Variants in EYA3 observed in about 807,000 individuals in gnomAD.
EYA3 encodes protein phosphatase EYA3.
In EYA3, 39 loss-of-function variants were observed where a neutral mutation model predicts 80.0. The ratio of observed to expected loss-of-function variants is 0.49; its 90% CI spans 0.38 to 0.64. The LOEUF (loss-of-function observed/expected upper bound fraction) is 0.64, where lower values mean the gene tolerates loss of function less well. Ranked by LOEUF, EYA3 falls within the 30% of genes least tolerant of loss-of-function variation. The probability of loss-of-function intolerance (pLI) is 0.00; values close to 1 mark genes in which losing one functional copy is unlikely to be tolerated. For missense variants in EYA3, 523 were observed against 676.1 expected (o/e 0.77, Z 2.51); for synonymous variants, 206 against 232.8 (o/e 0.88, Z 1.05).
chr1:28,080,447 A>G (rs1393491186), intron 1 of EYA3, among the ~76,000 whole-genome samples: 1 of 152,136 alleles, frequency 6.6e-6, no homozygotes, highest in African/African-American at 2.4e-5. Flanking sequence ...ATACAGGGTG[A>G]GATCCTGTCT....
intron 1 of EYA3, among the ~76,000 whole-genome samples, chr1:28,082,252 C>T (rs1557657159): frequency 6.6e-6 from 1 of 152,124 alleles, no homozygotes; most frequent in Admixed American, 6.5e-5. Context: ...CGATTCTCGA[C>T]TGTTTTCAAA....
intron 15 of EYA3, among the ~76,000 whole-genome samples, 176 bp from the exon 16 acceptor site, chr1:27,988,832 T>C (rs1214202666): frequency 1.3e-5 from 2 of 152,234 alleles, no homozygotes; most frequent in African/African-American, 4.8e-5. Context: ...TCATTTACTT[T>C]CTATATTAAA....
At chr1:28,086,339 G>C (rs1645651984) in intron 1 of EYA3, among the ~76,000 whole-genome samples, 1 of 151,792 alleles carries the variant, frequency 6.6e-6, no homozygotes, top group Non-Finnish European at 1.5e-5. Context: ...TCAACCTCCT[G>C]AGTAGTTGGG....
chr1:28,003,100 CAAA>C (rs1181469791), intron 11 of EYA3, among the ~76,000 whole-genome samples: 24 of 61,296 alleles, frequency 3.9e-4, no homozygotes, highest in African/African-American at 1.3e-3. Context: ...ACTAAAAATA[CAAA>C]AAAAAAAAAA....
chr1:28,043,838 A>G (rs1430905640), intron 3 of EYA3, among the ~76,000 whole-genome samples: 1 of 152,188 alleles, frequency 6.6e-6, no homozygotes, highest in Non-Finnish European at 1.5e-5. Flanking sequence ...ACTCTGTCTC[A>G]AAAACAAAAC....
chr1:27,976,245 A>T (rs1405952608), intron 17 of EYA3, among the ~76,000 whole-genome samples: 1 of 152,080 alleles, frequency 6.6e-6, no homozygotes, highest in Non-Finnish European at 1.5e-5. Context: ...GGATCACCTG[A>T]AGTCAGGAGT....
In EYA3 at chr1:28,016,687, T is replaced by C. The variant is rs1388867054; in HGVS notation, c.585+467A>G. ...AAAAAACTCTAGAACACTGAAGGTG[T>C]TACCAGTGATCTCCTAAGCATAGTT... is the stretch of plus-strand genomic sequence containing the variant. On this transcript the variant is annotated intron_variant, in intron 8 of 17. Transcript: ENST00000373871. Among the ~76,000 whole-genome samples, 3 of 152,034 alleles carry C rather than the reference T, an allele frequency of 2.0e-5. No homozygotes were observed. The South Asian group carries it at 6.2e-4, about 32-fold the overall frequency.
intron 5 of EYA3, among the ~76,000 whole-genome samples, chr1:28,036,007 G>A (rs1204804099): frequency 6.6e-6 from 1 of 152,124 alleles, no homozygotes; most frequent in Non-Finnish European, 1.5e-5. Context: ...TAGAGACGGT[G>A]TTTCACCATG....
chr1:28,031,792 G>C (rs1381499997), intron 6 of EYA3: 1 of 152,094 alleles, frequency 6.6e-6, no homozygotes, highest in African/African-American at 2.4e-5. Context: ...TATAAACAAA[G>C]TATATGTATA....
intron 16 of EYA3, among the ~76,000 whole-genome samples, chr1:27,988,151 T>C (rs948607622): frequency 6.6e-6 from 1 of 152,218 alleles, no homozygotes; most frequent in Non-Finnish European, 1.5e-5. Context: ...AATACAGGTA[T>C]GATTCATCTT....
At chr1:28,051,802 G>A (rs1571902184) in intron 2 of EYA3, among the ~76,000 whole-genome samples, 2 of 151,970 alleles carry the variant, frequency 1.3e-5, no homozygotes, top group South Asian at 4.2e-4. Context: ...CCATATCCAG[G>A]GAAAGAAGAA....
At chr1:28,017,307 G>C in intron 7 of EYA3, 68 bp from the exon 8 acceptor site, 1 of 1,195,648 alleles carries the variant, frequency 8.4e-7, no homozygotes, top group Middle Eastern at 1.9e-4. Context: ...ACTGAAAATA[G>C]ATGTGTTTTA....
rs1157003192 is a variant in EYA3, at chr1:27,974,279, G to GAC, written c.*186_*187insGT. ...AAAGACAGAGAGAGAGAGAGAGAGA[G>GAC]AGGCAGAGAGGGAGGGAGAGAGGAA... On this transcript the variant is annotated 3_prime_UTR_variant, in exon 18 of 18. Transcript: ENST00000373871. 4.6e-6 allele frequency: 2 copies of GAC among 432,802 alleles called. No homozygotes were observed. The highest frequency in any genetic ancestry group is 7.1e-5 in the Admixed American group (2 of 28,104). The allele number at this position is 432,802 out of a possible 1,614,324, so 26.8% of individuals were successfully genotyped here. A position where few individuals can be genotyped will look rare whatever the true frequency, so the allele number is the denominator to read the frequency against.
chr1:28,007,943 GA>G (rs776196016), intron 10 of EYA3, among the ~76,000 whole-genome samples: 28 of 152,212 alleles, frequency 1.8e-4, no homozygotes, highest in Non-Finnish European at 3.1e-4. Context: ...AAACTGTCTT[GA>G]AATAGAACAA....
chr1:27,999,880 C>CT, intron 12 of EYA3, 80 bp downstream of exon 12: 1 of 1,071,544 alleles, frequency 9.3e-7, no homozygotes, highest in South Asian at 1.6e-5. Flanking sequence ...CACATATCTT[C>CT]TAATATAATA....
intron 7 of EYA3, among the ~76,000 whole-genome samples, chr1:28,022,050 C>T (rs1454786144): frequency 6.6e-6 from 1 of 152,150 alleles, no homozygotes; most frequent in East Asian, 1.9e-4. Context: ...GTCATTCGTT[C>T]ACTTAATCCT....
chr1:28,085,099 A>G (rs1321486106), intron 1 of EYA3, among the ~76,000 whole-genome samples: 1 of 152,214 alleles, frequency 6.6e-6, no homozygotes, highest in Non-Finnish European at 1.5e-5. Context: ...CCATAATGCT[A>G]CAAGGTACAA....
rs2148787423 is a variant in EYA3 at position 28,010,599 on chromosome 1, G to C, written c.909+348C>G. On this transcript the variant is annotated intron_variant, in intron 10 of 17. Transcript: ENST00000373871. ...GGGGTCTCACTATGTTGCCTAGGCT[G>C]GTCTCAAGCGATCCTCCCGCTTCAG... 1.3e-5 allele frequency among the ~76,000 whole-genome samples: 2 copies of C among 152,094 alleles called. 1 individual carries two copies. Among genetic ancestry groups the C allele is most frequent in the South Asian group, 4.2e-4 (2 of 4,804 alleles).
In EYA3 at chr1:27,985,612, C is replaced by T. The variant is rs147423631; in HGVS notation, c.1540+2923G>A. Among the ~76,000 whole-genome samples, 1,398 of 152,156 alleles carry T rather than the reference C, an allele frequency of 9.2e-3. 10 individuals carry two copies. The highest frequency in any genetic ancestry group is 0.017 in the African/African-American group (698 of 41,512). The stretch of plus-strand genomic sequence containing the variant: ...TTTTTTTGTTGTTGAGGTGGAGTCT[C>T]GCTCTGTCACCCAGGCTGGAGTGCA... On this transcript the variant is annotated intron_variant, in intron 16 of 17. Coordinates refer to ENST00000373871, the MANE Select transcript of EYA3 (RefSeq NM_001990.4).
Sources: gnomAD v4.1 joint callset for allele counts (sites outside exome capture counted in the v4.1 genomes callset) on GRCh38, gnomAD v4.1.1 for gene constraint, MANE v1.5 for transcripts, NCBI Gene and HGNC (gene_info 2026-07-23, HGNC 2026-07-21) for gene names.